The following DSCAM variants were observed in gnomAD, a reference collection of about 807,000 sequenced individuals.
DSCAM encodes the protein cell adhesion molecule DSCAM.
Under a neutral mutation model 217.7 loss-of-function variants are expected in DSCAM, and 47 were observed. The observed-to-expected ratio is 0.22, with a 90% CI of 0.17 to 0.28. The LOEUF is 0.28. Ranked by LOEUF, DSCAM falls within the 10% of genes least tolerant of loss-of-function variation. DSCAM has a pLI of 1.00. For synonymous variants in DSCAM, 1,056 were observed against 1,015.3 expected (o/e 1.04, Z -0.76); for missense variants, 2,080 against 2,618.3 (o/e 0.79, Z 4.49).
chr21:40,328,911 A>T (rs778714422), intron 8 of DSCAM, among the ~76,000 whole-genome samples: 15 of 152,238 alleles, frequency 9.9e-5, no homozygotes, highest in Non-Finnish European at 1.8e-4. Context: ...TATATAAAAA[A>T]TGCTCAACAT....
intron 11 of DSCAM, among the ~76,000 whole-genome samples, chr21:40,264,264 C>T (rs549944176): frequency 6.6e-6 from 1 of 152,234 alleles, no homozygotes; most frequent in South Asian, 2.1e-4. Flanking sequence ...AAACTACAGA[C>T]CAATATTCCT....
At chr21:40,159,251 C>T (rs1451892174) in intron 16 of DSCAM, among the ~76,000 whole-genome samples, 1 of 152,100 alleles carries the variant, frequency 6.6e-6, no homozygotes, top group East Asian at 1.9e-4. Context: ...ATATGTTTTC[C>T]TTTTTCATTC....
intron 4 of DSCAM, among the ~76,000 whole-genome samples, chr21:40,362,092 G>T (rs1016431066): frequency 2.0e-5 from 3 of 152,232 alleles, no homozygotes; most frequent in South Asian, 4.1e-4. Flanking sequence ...TCCCTACAAA[G>T]GACATGAACT....
Position 40,846,697 on chromosome 21 carries a change from G to T in DSCAM, c.-36C>A. ...CTCCCCGGCCTCCCGCGAGCGACGC[G>T]CCGGCCTCGCCCCCCGCGCTCCGCC... On this transcript the variant is annotated 5_prime_UTR_variant, in exon 1 of 33. Coordinates refer to ENST00000400454, the MANE Select transcript of DSCAM (RefSeq NM_001389.5). 1 of 1,063,048 alleles carries T rather than the reference G, an allele frequency of 9.4e-7. No individual in the cohort carries two copies. Among genetic ancestry groups the T allele is most frequent in the Non-Finnish European group, 1.2e-6 (1 of 860,964 alleles). 65.9% of individuals were successfully genotyped at this position (1,063,048 alleles called of 1,614,324 possible).
intron 3 of DSCAM, among the ~76,000 whole-genome samples, chr21:40,468,199 A>C (rs991282738): frequency 1.3e-5 from 2 of 152,158 alleles, no homozygotes; most frequent in Non-Finnish European, 2.9e-5. Context: ...GAAATTTAAA[A>C]TTCTCTTTCT....
At chr21:40,566,938 CAAGTCCG>C (rs1232228904) in intron 3 of DSCAM, among the ~76,000 whole-genome samples, 2 of 151,942 alleles carry the variant, frequency 1.3e-5, no homozygotes, top group Non-Finnish European at 2.9e-5. Flanking sequence ...GAAGATGACC[CAAGTCCG>C]TAAGCACAAG....
chr21:40,536,153 C>T (rs1238413086), intron 3 of DSCAM, among the ~76,000 whole-genome samples: 1 of 152,156 alleles, frequency 6.6e-6, no homozygotes, highest in African/African-American at 2.4e-5. Context: ...TGGGCATCAG[C>T]ATGTTCGATT....
intron 19 of DSCAM, among the ~76,000 whole-genome samples, chr21:40,128,699 C>CAAAA (rs527919207): frequency 7.9e-5 from 7 of 89,034 alleles, no homozygotes; most frequent in Non-Finnish European, 1.3e-4. Flanking sequence ...CATAACCAAA[C>CAAAA]AAAAAAAAAA....
chr21:40,648,861 C>T lies in DSCAM; in HGVS notation c.508+43949G>A, dbSNP rs554473078. Reference sequence around the variant, plus strand: ...CAATTCTTCTCTGCCCATCCTCACCCTTGGAATTGTCAGTGTATCCTCATT... The same window carrying T: ...CAATTCTTCTCTGCCCATCCTCACCTTTGGAATTGTCAGTGTATCCTCATT... On this transcript the variant is annotated intron_variant, in intron 3 of 32. Coordinates refer to ENST00000400454, the MANE Select transcript of DSCAM (RefSeq NM_001389.5). Among the ~76,000 whole-genome samples, 7 of 152,258 alleles carry T rather than the reference C, an allele frequency of 4.6e-5. No individual in the cohort carries two copies. In the South Asian group the frequency reaches 1.2e-3, roughly 27 times the overall value.
intron 10 of DSCAM, among the ~76,000 whole-genome samples, chr21:40,287,850 G>A (rs940791968): frequency 1.3e-5 from 2 of 152,166 alleles, no homozygotes; most frequent in East Asian, 1.9e-4. Flanking sequence ...AGAAGGAGGA[G>A]CTAAAGCAAA....
intron 3 of DSCAM, among the ~76,000 whole-genome samples, chr21:40,616,077 G>C (rs539841448): frequency 6.6e-6 from 1 of 151,902 alleles, no homozygotes; most frequent in Non-Finnish European, 1.5e-5. Flanking sequence ...TTGTGTATGA[G>C]TCAGCTCCTG....
At chr21:40,396,407 T>C (rs141736700) in intron 3 of DSCAM, among the ~76,000 whole-genome samples, 13 of 152,142 alleles carry the variant, frequency 8.5e-5, no homozygotes, top group Non-Finnish European at 1.3e-4. Flanking sequence ...TCTACTGTAA[T>C]GGGAACGGTT....
chr21:40,341,410 G>T (rs1320638048), intron 6 of DSCAM, among the ~76,000 whole-genome samples: 1 of 152,130 alleles, frequency 6.6e-6, no homozygotes, highest in Non-Finnish European at 1.5e-5. Flanking sequence ...GAAAACTCAA[G>T]TGTTTAGAAA....
At chr21:40,044,020 T>A in intron 31 of DSCAM, 58 bp downstream of exon 31, 1 of 1,580,880 alleles carries the variant, frequency 6.3e-7, no homozygotes. Flanking sequence ...CCCATGAAGC[T>A]CAAGGTGCGG....
intron 3 of DSCAM, among the ~76,000 whole-genome samples, chr21:40,686,183 C>G (rs2090472836): frequency 6.7e-6 from 1 of 149,600 alleles, no homozygotes; most frequent in Admixed American, 6.7e-5. Flanking sequence ...ACATACAGAG[C>G]ACACACACCA....
chr21:40,228,664 A>G (rs1356976326), intron 11 of DSCAM, among the ~76,000 whole-genome samples: 2 of 113,814 alleles, frequency 1.8e-5, no homozygotes, highest in African/African-American at 6.7e-5. Flanking sequence ...TTTTCTTGGT[A>G]CTTCTTTATT....
Position 40,514,164 on chromosome 21 carries a change from C to G in DSCAM, c.509-144919G>C, listed in dbSNP as rs570848854. 8.5e-5 allele frequency among the ~76,000 whole-genome samples: 13 copies of G among 152,274 alleles called. No homozygotes were observed. In the East Asian group the frequency reaches 2.5e-3, roughly 29 times the overall value. ...AATTTAAGAGAAACAGTGGCAAGTG[C>G]AAAGAAAACTGGACAGGTATGGTGA... is the stretch of plus-strand genomic sequence containing the variant. On this transcript the variant is annotated intron_variant, in intron 3 of 32. Transcript: ENST00000400454.
intron 11 of DSCAM, among the ~76,000 whole-genome samples, chr21:40,256,400 C>CAGAGAGAGAGAGAGAG (rs201482308): frequency 6.8e-6 from 1 of 147,212 alleles, no homozygotes. Flanking sequence ...GAGAGAGAGA[C>CAGAGAGAGAGAGAGAG]AGACAGAGAG....
chr21:40,050,120 G>A (rs866876714), intron 30 of DSCAM, among the ~76,000 whole-genome samples: 1 of 152,160 alleles, frequency 6.6e-6, no homozygotes, highest in Admixed American at 6.5e-5. Context: ...GCCAGCATCA[G>A]AATCACCCAG....
Sources: gnomAD v4.1 joint callset for allele counts (sites outside exome capture counted in the v4.1 genomes callset) on GRCh38, gnomAD v4.1.1 for gene constraint, MANE v1.5 for transcripts, NCBI Gene and HGNC (gene_info 2026-07-23, HGNC 2026-07-21) for gene names.